The following PDE1A variants were observed in gnomAD, a reference collection of about 807,000 sequenced individuals.
PDE1A encodes the protein dual specificity calcium/calmodulin-dependent 3',5'-cyclic nucleotide phosphodiesterase 1A.
A neutral mutation model predicts 61.7 loss-of-function variants in PDE1A; 35 were observed. The ratio of observed to expected loss-of-function variants is 0.57; its 90% CI spans 0.43 to 0.75. The LOEUF (loss-of-function observed/expected upper bound fraction) is 0.75. Among genes scored for constraint, PDE1A ranks in the 30% least tolerant of loss-of-function variants. The pLI, the probability that PDE1A is intolerant of heterozygous loss-of-function variation, is 0.00. For missense variants in PDE1A, 597 were observed against 630.6 expected (o/e 0.95, Z 0.57); for synonymous variants, 232 against 213.2 (o/e 1.09, Z -0.77).
chr2:182,382,993 A>C (rs1700817966), intron 1 of PDE1A, among the ~76,000 whole-genome samples: 2 of 152,224 alleles, frequency 1.3e-5, no homozygotes, highest in Non-Finnish European at 2.9e-5. Context: ...GATAATCATT[A>C]ACAACACCAT....
At chr2:182,530,445 G>T in the PDE1A span, among the ~76,000 whole-genome samples, 1 of 152,112 alleles carries the variant, frequency 6.6e-6, no homozygotes, top group East Asian at 1.9e-4. Flanking sequence ...TCTCAAATAG[G>T]GTAAACCCAA....
chr2:182,600,264 G>A, the PDE1A span, among the ~76,000 whole-genome samples: 1 of 152,148 alleles, frequency 6.6e-6, no homozygotes, highest in African/African-American at 2.4e-5. Flanking sequence ...TTCATTTTCT[G>A]AAAGGTTTTT....
chr2:182,180,568 G>A (rs1380276444), intron 13 of PDE1A, among the ~76,000 whole-genome samples: 8 of 152,144 alleles, frequency 5.3e-5, no homozygotes, highest in East Asian at 3.9e-4. Flanking sequence ...GTGTCCTGGC[G>A]TTGATCTTCT....
chr2:182,566,823 A>G, the PDE1A span, among the ~76,000 whole-genome samples: 3 of 152,208 alleles, frequency 2.0e-5, no homozygotes, highest in Non-Finnish European at 2.9e-5. Flanking sequence ...CAACACTGCT[A>G]TGGAAATATT....
chr2:182,225,892 AAT>A (rs895799902), intron 6 of PDE1A, among the ~76,000 whole-genome samples: 1 of 149,902 alleles, frequency 6.7e-6, no homozygotes, highest in African/African-American at 2.5e-5. Context: ...AAAAGAAGTT[AAT>A]ATAACTAGCT....
At chr2:182,582,665 G>C in the PDE1A span, among the ~76,000 whole-genome samples, 31 of 152,300 alleles carry the variant, frequency 2.0e-4, no homozygotes, top group African/African-American at 5.3e-4. Context: ...GCAAGGAAGA[G>C]AGTGCCCTAG....
At chr2:182,657,492 G>A in the PDE1A span, among the ~76,000 whole-genome samples, 2 of 151,974 alleles carry the variant, frequency 1.3e-5, no homozygotes, top group Admixed American at 6.6e-5. Flanking sequence ...ATCCTAAGTG[G>A]GCAGGATTTA....
At chr2:182,530,215 C>A in the PDE1A span, among the ~76,000 whole-genome samples, 9 of 142,528 alleles carry the variant, frequency 6.3e-5, no homozygotes, top group Non-Finnish European at 9.4e-5. Context: ...CATCAGGCAA[C>A]AAGAGACAGT....
At chr2:182,505,917 T>A (rs1689382278) in intron 2 of PDE1A, among the ~76,000 whole-genome samples, 1 of 152,168 alleles carries the variant, frequency 6.6e-6, no homozygotes, top group Non-Finnish European at 1.5e-5. Context: ...ACTCAAGATA[T>A]TGAAGCAGAG....
rs186433320 is a variant in PDE1A, at chr2:182,279,115, G to A, written c.54-14701C>T. On this transcript the variant is annotated intron_variant, in intron 1 of 13. Coordinates refer to ENST00000351439, the Ensembl canonical transcript of PDE1A. ...AGGTATAATGAAAATAGGGCATAGA[G>A]GCAGGATTCTTAAAAAGTAAATTAT... Among the ~76,000 whole-genome samples the A allele has an allele frequency of 6.0e-4, 91 of 152,006 alleles. 1 individual carries two copies. The highest frequency in any genetic ancestry group is 4.2e-3 in the Admixed American group (64 of 15,248).
the PDE1A span, among the ~76,000 whole-genome samples, chr2:182,710,422 C>G: frequency 1.2e-3 from 179 of 152,292 alleles, no homozygotes; most frequent in African/African-American, 4.1e-3. Context: ...ATATTATTAA[C>G]TATAGTCACT....
chr2:182,357,189 TAAAAGAA>T (rs1699239526), intron 1 of PDE1A, among the ~76,000 whole-genome samples: 2 of 138,178 alleles, frequency 1.4e-5, no homozygotes, highest in Admixed American at 7.1e-5. Context: ...ATAAAAAAAT[TAAAAGAA>T]AAAAGAAAAA....
At chr2:182,458,463 A>G (rs1274951417) in intron 2 of PDE1A, among the ~76,000 whole-genome samples, 1 of 152,112 alleles carries the variant, frequency 6.6e-6, no homozygotes, top group Non-Finnish European at 1.5e-5. Context: ...GTAATAGGTC[A>G]GGTACAATAA....
chr2:182,705,867 A>G, the PDE1A span, among the ~76,000 whole-genome samples: 3 of 152,214 alleles, frequency 2.0e-5, no homozygotes, highest in Admixed American at 6.5e-5. Flanking sequence ...TTAAACAGTT[A>G]TATTTAGTTG....
At chr2:182,673,313 A>G in the PDE1A span, among the ~76,000 whole-genome samples, 1 of 152,200 alleles carries the variant, frequency 6.6e-6, no homozygotes, top group Non-Finnish European at 1.5e-5. Context: ...ATTAAAATTA[A>G]TCAAAATAAA....
chr2:182,491,516 T>C (rs1688393698), intron 2 of PDE1A, among the ~76,000 whole-genome samples: 3 of 152,078 alleles, frequency 2.0e-5, no homozygotes, highest in African/African-American at 2.4e-5. Context: ...CGCTGGAAAA[T>C]AGGAGGCAGT....
At chr2:182,614,649 C>T in the PDE1A span, among the ~76,000 whole-genome samples, 1 of 150,760 alleles carries the variant, frequency 6.6e-6, no homozygotes, top group African/African-American at 2.4e-5. Flanking sequence ...CCTCCACCTC[C>T]TGGGTTCAAG....
At chr2:182,337,002 C>T (rs1697876956) in intron 1 of PDE1A, among the ~76,000 whole-genome samples, 1 of 150,934 alleles carries the variant, frequency 6.6e-6, no homozygotes, top group Non-Finnish European at 1.5e-5. Context: ...ATAAAAGTCC[C>T]TATGATACAA....
chr2:182,462,572 C>T (rs1686380020), intron 2 of PDE1A, among the ~76,000 whole-genome samples: 1 of 151,872 alleles, frequency 6.6e-6, no homozygotes, highest in Admixed American at 6.6e-5. Context: ...TGGGCCCTGC[C>T]TTTTAGCATG....
Sources: gnomAD v4.1 joint callset for allele counts (sites outside exome capture counted in the v4.1 genomes callset) on GRCh38, gnomAD v4.1.1 for gene constraint, MANE v1.5 for transcripts, NCBI Gene and HGNC (gene_info 2026-07-23, HGNC 2026-07-21) for gene names.